KIF21A: variants seen among roughly 807,000 people sequenced by gnomAD.
The protein encoded by KIF21A is kinesin family member 21A, also known as kinesin-like protein KIF21A.
Under a neutral mutation model 202.9 loss-of-function variants are expected in KIF21A, and 114 were observed. That is an observed-to-expected ratio of 0.56 (90% confidence interval 0.48 to 0.66). KIF21A has a LOEUF of 0.66. KIF21A is among the 30% of genes least tolerant of loss of function. The pLI, the probability that KIF21A is intolerant of heterozygous loss-of-function variation, is 0.00. For missense variants in KIF21A, 1,677 were observed against 1,994.9 expected, an observed-to-expected ratio of 0.84 and a Z score of 3.04; for synonymous variants, 667 against 670.8, an observed-to-expected ratio of 0.99 and a Z score of 0.09.
chr12:39,342,383 C>G (rs945252666), intron 12 of KIF21A, among the ~76,000 whole-genome samples: 4 of 152,088 alleles, frequency 2.6e-5, no homozygotes, highest in African/African-American at 9.7e-5. Context: ...CCCGAAAGCA[C>G]GAGACCTCGA....
chr12:39,320,944 A>AAT (rs1945170652), intron 27 of KIF21A, among the ~76,000 whole-genome samples: 1 of 150,632 alleles, frequency 6.6e-6, no homozygotes, highest in Non-Finnish European at 1.5e-5. Context: ...AAAAAAAAAA[A>AAT]AAAAAAAAAA....
chr12:39,329,280 T>C (rs1341434518), intron 24 of KIF21A, among the ~76,000 whole-genome samples: 1 of 152,202 alleles, frequency 6.6e-6, no homozygotes, highest in Non-Finnish European at 1.5e-5. Flanking sequence ...CTTCAAGCTA[T>C]AGAAAATTGA....
intron 1 of KIF21A, among the ~76,000 whole-genome samples, chr12:39,417,035 T>A (rs571475359): frequency 4.0e-5 from 6 of 151,718 alleles, no homozygotes; most frequent in Admixed American, 2.0e-4. Flanking sequence ...AACTCAATCA[T>A]TAAATAGTAA....
rs1193021160 is a variant in KIF21A at position 39,340,326 on chromosome 12, CT to C, written c.2148del (p.Val717LeufsTer12). ...VESYSEEKAK[K>X]VRSEYEKKLQ... ...AGTTTCTTTTCATATTCAGACCTAA[CT>C]TTTTTTGCTTTTTCTTCTGAGTAAG... On this transcript the variant is annotated frameshift_variant, in exon 16 of 38. Coordinates refer to ENST00000361418, the MANE Select transcript of KIF21A (RefSeq NM_001173464.2). LOFTEE classifies it high-confidence loss of function. 1 of 1,610,356 alleles carries C rather than the reference CT, an allele frequency of 6.2e-7. No individual in the cohort carries two copies. Among genetic ancestry groups the C allele is most frequent in the African/African-American group, 1.3e-5 (1 of 74,834 alleles).
intron 12 of KIF21A, among the ~76,000 whole-genome samples, chr12:39,345,704 C>T (rs1947833469): frequency 6.6e-6 from 1 of 151,694 alleles, no homozygotes; most frequent in Non-Finnish European, 1.5e-5. Flanking sequence ...ACTATGTAAT[C>T]TAGAGATTTG....
At chr12:39,427,035 A>G (rs535416717) in intron 1 of KIF21A, among the ~76,000 whole-genome samples, 120 of 152,340 alleles carry the variant, frequency 7.9e-4, no homozygotes, top group African/African-American at 2.8e-3. Context: ...TGGGAGAGCC[A>G]TCAGGTCTTG....
At chr12:39,342,543 C>CT (rs903353336) in intron 12 of KIF21A, among the ~76,000 whole-genome samples, 7 of 152,294 alleles carry the variant, frequency 4.6e-5, no homozygotes, top group Admixed American at 2.6e-4. Flanking sequence ...TACATTTTCA[C>CT]TGATGTCCTA....
chr12:39,318,210 A>C lies in KIF21A; in HGVS notation c.3780-9T>G, dbSNP rs139062580. ...AAGTTCCAGAATCTGAGCTACAAGA[A>C]AAAAAGAACATTAAGTAGGTGGCTT... On this transcript the variant is annotated splice_polypyrimidine_tract_variant and intron_variant, in intron 28 of 37. Coordinates refer to ENST00000361418, the MANE Select transcript of KIF21A (RefSeq NM_001173464.2). 1 of 1,612,512 alleles carries C rather than the reference A, an allele frequency of 6.2e-7. No homozygotes were observed. The highest frequency in any genetic ancestry group is 1.7e-5 in the Admixed American group (1 of 59,994).
rs1156796019 is a variant in KIF21A at position 39,442,265 on chromosome 12, C to T, written c.44+662G>A. ...TAAAGAGTTTTCCTCCTTCTGTAGA[C>T]CTCTCCCCAGTGGATTTTACCTTAA... On this transcript the variant is annotated intron_variant, in intron 1 of 37. Coordinates refer to ENST00000361418, the MANE Select transcript of KIF21A (RefSeq NM_001173464.2). The surrounding 1 kb of genome is among the most constrained non-coding windows in gnomAD (Gnocchi z 5.0). 1.3e-5 allele frequency among the ~76,000 whole-genome samples: 2 copies of T among 152,138 alleles called. No individual in the cohort carries two copies. Among genetic ancestry groups the T allele is most frequent in the Non-Finnish European group, 2.9e-5 (2 of 68,016 alleles).
chr12:39,303,095 G>C lies in KIF21A; in HGVS notation c.4601C>G (p.Pro1534Arg). 1 of 1,613,848 alleles carries C rather than the reference G, an allele frequency of 6.2e-7. No homozygotes were observed. Among genetic ancestry groups the C allele is most frequent in the Non-Finnish European group, 8.5e-7 (1 of 1,179,884 alleles). The change falls in exon 36 of 38, where the codon CCC becomes CGC. Residue 1534 changes from proline (P) to arginine (R), a missense_variant. Transcript: ENST00000361418. ...VTEGALGTVS[P>R]THNFEPPHYD... The stretch of plus-strand genomic sequence containing the variant: ...ATGAGGGGGTTCAAAATTGTGGGTG[G>C]GACTCACAGTCCCAAGAGCTCCTTC...
chr12:39,427,483 G>T (rs936040253), intron 1 of KIF21A, among the ~76,000 whole-genome samples: 4 of 152,162 alleles, frequency 2.6e-5, no homozygotes, highest in Admixed American at 2.6e-4. Context: ...TACCTCAAAG[G>T]AAGTCAGTGA....
intron 37 of KIF21A, among the ~76,000 whole-genome samples, chr12:39,295,692 G>GGT (rs1426585743): frequency 8.1e-4 from 63 of 78,086 alleles, no homozygotes; most frequent in Non-Finnish European, 1.2e-3. Flanking sequence ...CTTGGGATAT[G>GGT]TTTTTTTTTT....
At chr12:39,395,307 C>G (rs1397951982) in intron 1 of KIF21A, among the ~76,000 whole-genome samples, 1 of 152,190 alleles carries the variant, frequency 6.6e-6, no homozygotes, top group Non-Finnish European at 1.5e-5. Flanking sequence ...CAAGCTCTTT[C>G]TCTTTCCATT....
At chr12:39,336,045 A>G (rs1946936001) in intron 17 of KIF21A, among the ~76,000 whole-genome samples, 1 of 152,186 alleles carries the variant, frequency 6.6e-6, no homozygotes, top group South Asian at 2.1e-4. Context: ...AAAAAGGAAT[A>G]ATGGCTGAAA....
rs916696840 is a variant in KIF21A at position 39,355,712 on chromosome 12, T to TATATATAC, written c.1469+1119_1469+1120insGTATATAT. ...AAAACATGAAGCATGAACAATTATA[T>TATATATAC]ATATATATATATATATATATATGTT... On this transcript the variant is annotated intron_variant, in intron 10 of 37. Coordinates refer to ENST00000361418, the MANE Select transcript of KIF21A (RefSeq NM_001173464.2). Among the ~76,000 whole-genome samples, 24 of 137,436 alleles carry TATATATAC rather than the reference T, an allele frequency of 1.7e-4. 2 individuals are homozygous for TATATATAC. Among genetic ancestry groups the TATATATAC allele is most frequent in the African/African-American group, 6.7e-4 (23 of 34,184 alleles). 90.2% of individuals were successfully genotyped at this position (137,436 alleles called of 152,430 possible).
chr12:39,439,238 A>C (rs1939236811), intron 1 of KIF21A, among the ~76,000 whole-genome samples: 1 of 152,206 alleles, frequency 6.6e-6, no homozygotes, highest in African/African-American at 2.4e-5. Flanking sequence ...GTGTCTGTGA[A>C]AAGTTTTATT....
chr12:39,311,637 CT>C, intron 31 of KIF21A, 84 bp from the exon 32 acceptor site: 1 of 1,419,990 alleles, frequency 7.0e-7, no homozygotes, highest in Non-Finnish European at 9.8e-7. Context: ...TTTTTTTCCC[CT>C]AACTTTAAGA....
At chr12:39,379,413 T>C (rs1238550085) in intron 1 of KIF21A, among the ~76,000 whole-genome samples, 1 of 151,910 alleles carries the variant, frequency 6.6e-6, no homozygotes, top group East Asian at 1.9e-4. Context: ...GCTAACACAT[T>C]ATCCTCTAAA....
chr12:39,325,366 C>T (rs562234392), intron 26 of KIF21A, among the ~76,000 whole-genome samples: 23 of 149,772 alleles, frequency 1.5e-4, no homozygotes, highest in South Asian at 6.4e-4. Flanking sequence ...GAGTCTCGCT[C>T]CGTCGCCCAG....
Sources: gnomAD v4.1 joint callset for allele counts (sites outside exome capture counted in the v4.1 genomes callset) on GRCh38, gnomAD v4.1.1 for gene constraint, Gnocchi (gnomAD v3.1) non-coding constraint, MANE v1.5 for transcripts, NCBI Gene and HGNC (gene_info 2026-07-23, HGNC 2026-07-21) for gene names.